ZMPSTE24: variants seen among roughly 807,000 people sequenced by gnomAD.
The protein encoded by ZMPSTE24 is CAAX prenyl protease 1 homolog.
Under a neutral mutation model 56.7 loss-of-function variants are expected in ZMPSTE24, and 48 were observed. The observed-to-expected ratio is 0.85, with a 90% CI of 0.67 to 1.08. The LOEUF (loss-of-function observed/expected upper bound fraction) is 1.08, where lower values mean the gene tolerates loss of function less well. ZMPSTE24 is among the 50% of genes least tolerant of loss of function. ZMPSTE24 has a pLI of 0.00. For missense variants in ZMPSTE24, 503 were observed against 548.7 expected, an observed-to-expected ratio of 0.92 and a Z score of 0.83; for synonymous variants, 172 against 195.2, an observed-to-expected ratio of 0.88 and a Z score of 0.99.
At position 40,268,478 on chromosome 1, in the gene ZMPSTE24, G is replaced by T. The variant is rs1185389754; in HGVS notation, c.417G>T (p.Leu139Phe). ...CACTTTTCAGTGCATTGACTGGTTT[G>T]CCATGGAGTCTTTATAATACTTTTG... ...LATLFSALTG[L>F]PWSLYNTFVI... The change falls in exon 4 of 10, where the codon TTG becomes TTT. Residue 139 changes from leucine to phenylalanine, a missense_variant. Physicochemically the swap from Leu to Phe is conservative, Grantham distance 22 (BLOSUM62 0). Coordinates refer to ENST00000372759, the MANE Select transcript of ZMPSTE24 (RefSeq NM_005857.5). 2 of 1,612,944 alleles carry T rather than the reference G, an allele frequency of 1.2e-6. No homozygotes were observed. Among genetic ancestry groups the T allele is most frequent in the East Asian group, 2.2e-5 (1 of 44,872 alleles).
intron 2 of ZMPSTE24, 131 bp from the exon 3 acceptor site, chr1:40,267,655 C>A: frequency 1.5e-6 from 1 of 674,694 alleles, no homozygotes; most frequent in Non-Finnish European, 2.6e-6. Flanking sequence ...CAGGCATGAG[C>A]CACCGTACTG....
chr1:40,275,474 A>G (rs974166270), intron 6 of ZMPSTE24, among the ~76,000 whole-genome samples: 1 of 150,832 alleles, frequency 6.6e-6, no homozygotes, highest in Non-Finnish European at 1.5e-5. Context: ...GTATTTGGCC[A>G]GGCGTGGTGG....
chr1:40,272,147 A>T, intron 6 of ZMPSTE24, 112 bp downstream of exon 6: 1 of 1,266,874 alleles, frequency 7.9e-7, no homozygotes, highest in Non-Finnish European at 1.1e-6. Context: ...TTTCTTTTTA[A>T]AATTTGTTAT....
intron 8 of ZMPSTE24, among the ~76,000 whole-genome samples, chr1:40,286,262 A>C (rs183445341): frequency 6.6e-6 from 1 of 152,274 alleles, no homozygotes; most frequent in East Asian, 1.9e-4. Context: ...GAATTAAGTG[A>C]GTTAATACAT....
At chr1:40,273,533 AAAAAAT>A (rs1419906127) in intron 6 of ZMPSTE24, among the ~76,000 whole-genome samples, 2 of 57,042 alleles carry the variant, frequency 3.5e-5, no homozygotes, top group South Asian at 6.8e-4. Flanking sequence ...AAAAAAAAAA[AAAAAAT>A]ATATATATAT....
rs1252393482 is a variant in ZMPSTE24, at chr1:40,268,429, C to T, written c.368C>T (p.Ser123Phe). ...TTTTCTTTTGTTTAGATCACTCAGT[C>T]CCTGGTGTTTCTGCTGTTGGCTACA... is the stretch of plus-strand genomic sequence containing the variant. ...GFGPEYEITQ[S>F]LVFLLLATLF... The change falls in exon 4 of 10, where the codon TCC (serine) becomes TTC (phenylalanine). Residue 123 changes from serine to phenylalanine, a missense_variant. Coordinates refer to ENST00000372759, the MANE Select transcript of ZMPSTE24 (RefSeq NM_005857.5). The T allele has an allele frequency of 1.2e-6, 2 of 1,611,172 alleles. No individual in the cohort carries two copies. Among genetic ancestry groups the T allele is most frequent in the South Asian group, 1.1e-5 (1 of 91,044 alleles).
intron 7 of ZMPSTE24, among the ~76,000 whole-genome samples, chr1:40,282,676 A>G (rs1004319719): frequency 1.3e-5 from 2 of 152,168 alleles, no homozygotes; most frequent in African/African-American, 4.8e-5. Context: ...TAACTGAAAG[A>G]TGAGGCCAGT....
At chr1:40,281,209 A>G in intron 6 of ZMPSTE24, 134 bp from the exon 7 acceptor site, 1 of 899,958 alleles carries the variant, frequency 1.1e-6, no homozygotes, top group Non-Finnish European at 1.8e-6. Context: ...AATTATGTTG[A>G]TATGATTTTT....
Position 40,280,051 on chromosome 1 carries a change from A to AT in ZMPSTE24, c.770-1284dup, listed in dbSNP as rs199585395. ...GAGAAGACGACACTTCAAAACAATG[A>AT]TTTTTTTTAATTTTTATTTTCGCTT... is the stretch of plus-strand genomic sequence containing the variant. On this transcript the variant is annotated intron_variant, in intron 6 of 9. Transcript: ENST00000372759. Among the ~76,000 whole-genome samples the AT allele has an allele frequency of 1.0e-3, 156 of 152,018 alleles. 5 individuals carry two copies. In the East Asian group the frequency reaches 0.028, roughly 27 times the overall value.
intron 8 of ZMPSTE24, 33 bp downstream of exon 8, chr1:40,286,062 C>T: frequency 6.4e-7 from 1 of 1,560,834 alleles, no homozygotes; most frequent in Non-Finnish European, 8.8e-7. Flanking sequence ...TTTTTTATGG[C>T]ATGATAGTCA....
intron 2 of ZMPSTE24, among the ~76,000 whole-genome samples, chr1:40,265,266 A>C (rs1199578952): frequency 6.6e-6 from 1 of 152,212 alleles, no homozygotes; most frequent in Admixed American, 6.5e-5. Flanking sequence ...GCTGAAAGAA[A>C]TACCATCCCA....
intron 6 of ZMPSTE24, among the ~76,000 whole-genome samples, chr1:40,275,752 C>CAAAAA (rs34281343): frequency 1.1e-4 from 7 of 62,642 alleles, no homozygotes; most frequent in African/African-American, 1.8e-4. Flanking sequence ...GACCCTGTCT[C>CAAAAA]AAAAAAAAAA....
At chr1:40,262,486 A>G (rs1643506711) in intron 2 of ZMPSTE24, among the ~76,000 whole-genome samples, 1 of 151,932 alleles carries the variant, frequency 6.6e-6, no homozygotes. Flanking sequence ...CATCCTTCAG[A>G]GACAGATGGA....
intron 8 of ZMPSTE24, among the ~76,000 whole-genome samples, chr1:40,289,866 G>A (rs1557783017): frequency 6.6e-6 from 1 of 152,210 alleles, no homozygotes. Flanking sequence ...TGGAGCCTCC[G>A]CTTCAAAGTC....
At position 40,290,932 on chromosome 1, in the gene ZMPSTE24, G is replaced by A; in HGVS notation, c.1138G>A (p.Asp380Asn). The A allele has an allele frequency of 6.2e-7, 1 of 1,613,884 alleles. No individual in the cohort carries two copies. The highest frequency in any genetic ancestry group is 8.5e-7 in the Non-Finnish European group (1 of 1,179,954). The stretch of plus-strand genomic sequence containing the variant: ...GCTTTTTGCTGCATTTGGTTTTTAT[G>A]ATAGCCAACCCACTCTTATTGGACT... ...KELFAAFGFY[D>N]SQPTLIGLLI... The change falls in exon 9 of 10, where the codon GAT (aspartate) becomes AAT (asparagine). Residue 380 changes from aspartate to asparagine, a missense_variant. Asp to Asn is a conservative substitution (Grantham distance 23, BLOSUM62 1). Transcript: ENST00000372759.
At chr1:40,277,893 C>T (rs995046625) in intron 6 of ZMPSTE24, among the ~76,000 whole-genome samples, 9 of 138,528 alleles carry the variant, frequency 6.5e-5, no homozygotes, top group African/African-American at 2.5e-4. Flanking sequence ...CGCTGGAACC[C>T]GGGAGGCGGA....
intron 8 of ZMPSTE24, among the ~76,000 whole-genome samples, chr1:40,289,222 A>G (rs556356610): frequency 1.6e-4 from 25 of 152,316 alleles, no homozygotes; most frequent in African/African-American, 5.8e-4. Context: ...CCACTCTTAT[A>G]TCTACCACTT....
At chr1:40,280,709 A>G (rs1643720660) in intron 6 of ZMPSTE24, among the ~76,000 whole-genome samples, 1 of 152,206 alleles carries the variant, frequency 6.6e-6, no homozygotes, top group Non-Finnish European at 1.5e-5. Context: ...TACAGGCATG[A>G]GCCACTGCAC....
rs548613756 is a variant in ZMPSTE24 at position 40,262,799 on chromosome 1, T to C, written c.270+1814T>C. ...ATGTCTGACGGCTGAGTTTTGCTGT[T>C]TTGTCAACTGACATTTCCCCTTCTG... On this transcript the variant is annotated intron_variant, in intron 2 of 9. Coordinates refer to ENST00000372759, the MANE Select transcript of ZMPSTE24 (RefSeq NM_005857.5). 1,616 of 1,179,568 alleles carry C rather than the reference T, an allele frequency of 1.4e-3. 2 individuals are homozygous for C. The highest frequency in any genetic ancestry group is 1.6e-3 in the Non-Finnish European group (1,524 of 945,608). The allele number at this position is 1,179,568 out of a possible 1,614,324, so 73.1% of individuals were successfully genotyped here. A position where few individuals can be genotyped will look rare whatever the true frequency, so the allele number is the denominator to read the frequency against.
Sources: gnomAD v4.1 joint callset for allele counts (sites outside exome capture counted in the v4.1 genomes callset) on GRCh38, gnomAD v4.1.1 for gene constraint, MANE v1.5 for transcripts, NCBI Gene and HGNC (gene_info 2026-07-23, HGNC 2026-07-21) for gene names.